Variants in CAST observed in about 807,000 individuals in gnomAD.
The protein encoded by CAST is calpastatin.
CAST carries 76 observed loss-of-function variants against 119.6 expected under a neutral mutation model. That is an observed-to-expected ratio of 0.64 (90% CI 0.53 to 0.77). CAST has a LOEUF of 0.77. CAST is among the 30% of genes least tolerant of loss of function. The pLI is 0.00. For synonymous variants in CAST, 319 were observed against 331.6 expected, an observed-to-expected ratio of 0.96 and a Z score of 0.41; for missense variants, 953 against 946.5, an observed-to-expected ratio of 1.01 and a Z score of -0.09.
intron 4 of CAST, among the ~76,000 whole-genome samples, chr5:96,726,355 A>G (rs1029086645): frequency 6.6e-6 from 1 of 152,230 alleles, no homozygotes; most frequent in African/African-American, 2.4e-5. Flanking sequence ...CGATCTCTGC[A>G]TACAGGACTG....
At chr5:96,519,157 A>T in the CAST span, among the ~76,000 whole-genome samples, 2 of 152,358 alleles carry the variant, frequency 1.3e-5, no homozygotes, top group East Asian at 3.9e-4. Flanking sequence ...TTATTGATAC[A>T]CAGAGGGTCA....
intron 1 of CAST, among the ~76,000 whole-genome samples, chr5:96,562,769 T>A (rs982039713): frequency 4.6e-5 from 7 of 152,172 alleles, no homozygotes; most frequent in Non-Finnish European, 8.8e-5. Context: ...ATGCTTATGA[T>A]ATTTTCATTC....
At chr5:96,555,639 G>T (rs1428563155) in intron 1 of CAST, among the ~76,000 whole-genome samples, 1 of 152,200 alleles carries the variant, frequency 6.6e-6, no homozygotes, top group Non-Finnish European at 1.5e-5. Context: ...TAGCATAGCA[G>T]TCTGAGATCT....
chr5:96,483,428 C>T, the CAST span, among the ~76,000 whole-genome samples: 107,513 of 152,042 alleles, frequency 0.71, 38,491 homozygotes, highest in African/African-American at 0.81. Flanking sequence ...TTAATATCTA[C>T]TAGAGTAAAT....
At chr5:96,648,642 G>C (rs1374298544) in intron 1 of CAST, among the ~76,000 whole-genome samples, 1 of 152,102 alleles carries the variant, frequency 6.6e-6, no homozygotes, top group East Asian at 1.9e-4. Flanking sequence ...AAACGTAATA[G>C]TTACAATTGC....
At chr5:96,362,321 T>C in the CAST span, among the ~76,000 whole-genome samples, 1 of 152,256 alleles carries the variant, frequency 6.6e-6, no homozygotes. Flanking sequence ...TATAGCAGCA[T>C]GATTTATAAT....
the CAST span, among the ~76,000 whole-genome samples, chr5:96,113,578 A>C: frequency 6.6e-6 from 1 of 152,234 alleles, no homozygotes. Flanking sequence ...ACTTAAGGCC[A>C]TTTTCTAAAG....
intron 1 of CAST, among the ~76,000 whole-genome samples, chr5:96,537,748 CTGAT>C (rs1321340305): frequency 6.6e-6 from 1 of 152,170 alleles, no homozygotes; most frequent in Non-Finnish European, 1.5e-5. Flanking sequence ...CAGGAGTAAT[CTGAT>C]TGTCACTCGG....
chr5:96,404,104 G>A, the CAST span, among the ~76,000 whole-genome samples: 1 of 152,124 alleles, frequency 6.6e-6, no homozygotes, highest in Non-Finnish European at 1.5e-5. Flanking sequence ...ATTTATGCAA[G>A]GAATTCCTTC....
At chr5:96,771,531 ATCT>A in intron 30 of CAST, 110 bp from the exon 31 acceptor site, 2 of 692,488 alleles carry the variant, frequency 2.9e-6, no homozygotes, top group Non-Finnish European at 5.0e-6. Flanking sequence ...TGAAAGGACC[ATCT>A]TATTTTTCCC....
the CAST span, among the ~76,000 whole-genome samples, chr5:96,327,162 C>G: frequency 6.6e-6 from 1 of 152,276 alleles, no homozygotes; most frequent in African/African-American, 2.4e-5. Flanking sequence ...CATTTGTCAT[C>G]TGTAAAGTGG....
At chr5:96,686,724 A>G (rs1194831597) in intron 2 of CAST, among the ~76,000 whole-genome samples, 1 of 152,222 alleles carries the variant, frequency 6.6e-6, no homozygotes. Flanking sequence ...ACAGCAGATA[A>G]AGCAATGAAA....
chr5:96,617,821 A>AAAAAAAAAAAAAAAAC (rs1747499145), intron 1 of CAST, among the ~76,000 whole-genome samples: 1 of 145,640 alleles, frequency 6.9e-6, no homozygotes, highest in Non-Finnish European at 1.5e-5. Context: ...AAAAAAAAAA[A>AAAAAAAAAAAAAAAAC]AAAAAAAACA....
Position 96,582,255 on chromosome 5 carries a change from G to A in CAST, c.60+52375G>A, listed in dbSNP as rs1314052792. Among the ~76,000 whole-genome samples, 2 of 152,158 alleles carry A rather than the reference G, an allele frequency of 1.3e-5. 1 individual carries two copies. Among genetic ancestry groups the A allele is most frequent in the East Asian group, 3.8e-4 (2 of 5,198 alleles). ...TCTGCTCTCCTCATTTTAGAATTGA[G>A]GTTTTGGGAGTAGGTTTAAGGGGTA... On this transcript the variant is annotated intron_variant, in intron 1 of 11. Transcript: ENST00000505143.
chr5:96,038,484 C>T, the CAST span, among the ~76,000 whole-genome samples: 77 of 151,914 alleles, frequency 5.1e-4, no homozygotes, highest in Admixed American at 1.5e-3. Context: ...AATTTGTCAC[C>T]GACATTAGGT....
chr5:96,188,232 T>A, the CAST span, among the ~76,000 whole-genome samples: 1 of 152,224 alleles, frequency 6.6e-6, no homozygotes, highest in Non-Finnish European at 1.5e-5. Flanking sequence ...AAAGATTATC[T>A]ATAAAAATAT....
chr5:96,157,547 G>A, the CAST span, among the ~76,000 whole-genome samples: 1 of 152,266 alleles, frequency 6.6e-6, no homozygotes, highest in African/African-American at 2.4e-5. Context: ...GTGTGTCCAG[G>A]TGCACTGTGG....
chr5:96,189,085 T>C, the CAST span, among the ~76,000 whole-genome samples: 1 of 152,218 alleles, frequency 6.6e-6, no homozygotes, highest in Admixed American at 6.5e-5. Context: ...TCTCATAGCC[T>C]GCTGATTTTC....
the CAST span, among the ~76,000 whole-genome samples, chr5:96,451,317 A>G: frequency 1.1e-4 from 16 of 152,232 alleles, no homozygotes; most frequent in Admixed American, 5.2e-4. Flanking sequence ...AAAGTAATAC[A>G]TAAAAGAAAT....
Sources: allele counts gnomAD v4.1 joint callset (sites outside exome capture counted in the v4.1 genomes callset), GRCh38; gene constraint gnomAD v4.1.1; transcripts MANE v1.5; gene names NCBI Gene and HGNC (gene_info 2026-07-23, HGNC 2026-07-21).